ERICH6: variants seen among roughly 807,000 people sequenced by gnomAD.
ERICH6 encodes glutamate-rich protein 6.
A neutral mutation model predicts 71.0 loss-of-function variants in ERICH6; 71 were observed. The observed-to-expected ratio is 1.00, with a 90% CI of 0.83 to 1.22. ERICH6 has a LOEUF of 1.22. Ranked by LOEUF, ERICH6 falls within the 50% of genes most tolerant of loss-of-function variation. ERICH6 has a pLI of 0.00. For missense variants in ERICH6, 808 were observed against 797.2 expected (o/e 1.01, Z -0.16); for synonymous variants, 262 against 278.4 (o/e 0.94, Z 0.59).
rs1247010467 is a variant in ERICH6, at chr3:150,686,307, T to TA, written c.600dup (p.Lys201Ter). The TA allele has an allele frequency of 6.2e-7, 1 of 1,614,214 alleles. No homozygotes were observed. Among genetic ancestry groups the TA allele is most frequent in the Admixed American group, 1.7e-5 (1 of 60,032 alleles). On this transcript the variant is annotated frameshift_variant, in exon 4 of 14. Transcript: ENST00000295910. LOFTEE classifies it high-confidence loss of function. ...CCAAACATGTATTTACCTCTTAACT[T>TA]AGATGCCAGACATTCAGGTTCAGCT...
chr3:150,661,095 G>T (rs1727209023), intron 13 of ERICH6, among the ~76,000 whole-genome samples: 1 of 152,204 alleles, frequency 6.6e-6, no homozygotes, highest in African/African-American at 2.4e-5. Flanking sequence ...TTCCAGCGGG[G>T]TTGGAATAAG....
rs542116795 is a variant in ERICH6 at position 150,692,352 on chromosome 3, GTT to G, written c.554-6000_554-5999del. On this transcript the variant is annotated intron_variant, in intron 3 of 13. Coordinates refer to ENST00000295910, the MANE Select transcript of ERICH6 (RefSeq NM_152394.5). ...TTGAAATCCTTGAGTTATCACTTTG[GTT>G]AAATGAAATGACTTATTTTACAATA... Among the ~76,000 whole-genome samples, 6 of 152,110 alleles carry G rather than the reference GTT, an allele frequency of 3.9e-5. No homozygotes were observed. In the South Asian group the frequency reaches 1.2e-3, roughly 32 times the overall value.
chr3:150,693,728 A>G (rs1359341232), intron 3 of ERICH6, among the ~76,000 whole-genome samples: 2 of 152,216 alleles, frequency 1.3e-5, no homozygotes, highest in African/African-American at 4.8e-5. Context: ...CTGGAGAGAG[A>G]AAAATTATGT....
intron 13 of ERICH6, among the ~76,000 whole-genome samples, chr3:150,666,161 C>T (rs2108039958): frequency 6.6e-6 from 1 of 152,342 alleles, no homozygotes; most frequent in East Asian, 1.9e-4. Flanking sequence ...TCTTAACCAT[C>T]GTGCATTATT....
chr3:150,665,755 G>C (rs1405477825), intron 13 of ERICH6, among the ~76,000 whole-genome samples: 1 of 150,582 alleles, frequency 6.6e-6, no homozygotes, highest in Non-Finnish European at 1.5e-5. Flanking sequence ...TTGAACCTGG[G>C]AGGTGGAGGT....
chr3:150,696,208 G>A (rs908348655), intron 3 of ERICH6, among the ~76,000 whole-genome samples: 2 of 151,702 alleles, frequency 1.3e-5, no homozygotes, highest in Admixed American at 1.3e-4. Context: ...AAGCAGAGTG[G>A]AAAGGTTGGA....
At chr3:150,665,944 T>G (rs1349786110) in intron 13 of ERICH6, among the ~76,000 whole-genome samples, 2 of 152,324 alleles carry the variant, frequency 1.3e-5, no homozygotes, top group East Asian at 3.9e-4. Flanking sequence ...CATCTCTATT[T>G]GTATCCATCT....
chr3:150,684,959 G>A (rs907723070), intron 6 of ERICH6, among the ~76,000 whole-genome samples: 10 of 151,804 alleles, frequency 6.6e-5, no homozygotes, highest in East Asian at 5.8e-4. Context: ...AACCATAATC[G>A]TGCCACTTAC....
In ERICH6 at chr3:150,680,489, G is replaced by A. The variant is rs1475599976; in HGVS notation, c.1090C>T (p.Gln364Ter). 5 of 1,614,050 alleles carry A rather than the reference G, an allele frequency of 3.1e-6. No homozygotes were observed. The highest frequency in any genetic ancestry group is 2.7e-5 in the African/African-American group (2 of 74,930). The change falls in exon 9 of 14, where the codon CAG becomes TAG. Residue 364 changes from glutamine to a stop codon, truncating the protein, a stop_gained. Coordinates refer to ENST00000295910, the MANE Select transcript of ERICH6 (RefSeq NM_152394.5). LOFTEE classifies it high-confidence loss of function. ...TCACCATCTTCAGAGAAATGAGTCT[G>A]TTCCCTTGATATTATTGCAAAATGT... ...ARHFAIISRE[Q>*]THFSEDDSKR...
intron 13 of ERICH6, among the ~76,000 whole-genome samples, chr3:150,666,336 G>A (rs1255625182): frequency 6.6e-6 from 1 of 152,210 alleles, no homozygotes; most frequent in Non-Finnish European, 1.5e-5. Flanking sequence ...AAAACCCACA[G>A]AAGGATGTGG....
rs6798444 is a variant in ERICH6, at chr3:150,663,354, C to T, written c.1729-3199G>A. Among the ~76,000 whole-genome samples, 340 of 152,232 alleles carry T rather than the reference C, an allele frequency of 2.2e-3. 2 individuals are homozygous for T. Among genetic ancestry groups the T allele is most frequent in the African/African-American group, 7.8e-3 (323 of 41,532 alleles). ...AGCGTTTAGAGTTGTGAAACTACTC[C>T]CGAGTTTTTGTCCTGAATAAGTGAA... On this transcript the variant is annotated intron_variant, in intron 13 of 13. Coordinates refer to ENST00000295910, the MANE Select transcript of ERICH6 (RefSeq NM_152394.5).
At position 150,668,253 on chromosome 3, in the gene ERICH6, T is replaced by C. The variant is rs1305965860; in HGVS notation, c.1499+1043A>G. The stretch of plus-strand genomic sequence containing the variant: ...TGTGCTGCTATGTAGTAGCAAAGAT[T>C]CAGGATGTGCCCTCAAGGAATGTCT... On this transcript the variant is annotated intron_variant, in intron 12 of 13. Transcript: ENST00000295910. 2.0e-5 allele frequency among the ~76,000 whole-genome samples: 3 copies of C among 152,174 alleles called. No individual in the cohort carries two copies. In the East Asian group the frequency reaches 5.8e-4, roughly 29 times the overall value.
intron 13 of ERICH6, among the ~76,000 whole-genome samples, chr3:150,665,827 CAAAAAA>C (rs530457228): frequency 1.4e-5 from 1 of 69,990 alleles, no homozygotes; most frequent in African/African-American, 4.3e-5. Flanking sequence ...GGCTCCATCT[CAAAAAA>C]AAAAAAAAAA....
intron 1 of ERICH6, among the ~76,000 whole-genome samples, chr3:150,702,476 C>T (rs1712926461): frequency 6.6e-6 from 1 of 152,040 alleles, no homozygotes; most frequent in African/African-American, 2.4e-5. Context: ...CGGGGTTTCA[C>T]CATGTTAGCC....
At chr3:150,666,038 G>T (rs188895888) in intron 13 of ERICH6, among the ~76,000 whole-genome samples, 6 of 152,286 alleles carry the variant, frequency 3.9e-5, no homozygotes, top group Non-Finnish European at 8.8e-5. Context: ...AATCTGTAAG[G>T]TCGGAATCAT....
At position 150,680,531 on chromosome 3, in the gene ERICH6, C is replaced by G; in HGVS notation, c.1048G>C (p.Glu350Gln). 6.2e-7 allele frequency: 1 copy of G among 1,614,120 alleles called. No individual in the cohort carries two copies. The highest frequency in any genetic ancestry group is 8.5e-7 in the Non-Finnish European group (1 of 1,180,022). ...GCAAAATGTCTGGCCATTCGTTGCT[C>G]CTGTTTCCTACAAAATCAGAAAACA... ...AKEKALQRKQEQRMARHFAII... is the reference protein window; with the variant it reads ...AKEKALQRKQQQRMARHFAII... The change falls in exon 9 of 14, where the codon GAG (glutamate) becomes CAG (glutamine). Residue 350 changes from glutamate to glutamine, a missense_variant. Physicochemically the swap from Glu to Gln is conservative, Grantham distance 29 (BLOSUM62 2). Transcript: ENST00000295910.
rs10663390 is a variant in ERICH6 at position 150,702,889 on chromosome 3, A to AGTGTGTGTGT, written c.403+597_403+606dup. The stretch of plus-strand genomic sequence containing the variant: ...AAGGCACTTCTCTGGAAATAATATG[A>AGTGTGTGTGT]GTGTGTGTGTGTGTGTGTGTGTGTG... On this transcript the variant is annotated intron_variant, in intron 1 of 13. Transcript: ENST00000295910. Among the ~76,000 whole-genome samples, 138 of 113,448 alleles carry AGTGTGTGTGT rather than the reference A, an allele frequency of 1.2e-3. 1 individual carries two copies. Among genetic ancestry groups the AGTGTGTGTGT allele is most frequent in the African/African-American group, 4.1e-3 (119 of 29,068 alleles). 74.4% of individuals were successfully genotyped at this position (113,448 alleles called of 152,430 possible).
In ERICH6 at chr3:150,703,568, C is replaced by G. The variant is rs1296950570; in HGVS notation, c.331G>C (p.Val111Leu). ...GTGCTGGTCGCGCTCTGGCTGGGCA[C>G]GAACGTAGAGGTCAGGCTAGGGCTG... ...IVSPSLTSTFVPSQSATSTET... is the reference protein window; with the variant it reads ...IVSPSLTSTFLPSQSATSTET... The change falls in exon 1 of 14, where the codon GTG becomes CTG. Residue 111 changes from valine (V) to leucine (L), a missense_variant. Transcript: ENST00000295910. 4.3e-6 allele frequency: 7 copies of G among 1,613,374 alleles called. No homozygotes were observed. Among genetic ancestry groups the G allele is most frequent in the South Asian group, 3.3e-5 (3 of 91,052 alleles).
intron 13 of ERICH6, among the ~76,000 whole-genome samples, chr3:150,663,254 A>T (rs1727286795): frequency 6.6e-6 from 1 of 152,194 alleles, no homozygotes; most frequent in Non-Finnish European, 1.5e-5. Context: ...AGCACTGGAA[A>T]ATGTGAGAAG....
Sources: allele counts gnomAD v4.1 joint callset (sites outside exome capture counted in the v4.1 genomes callset), GRCh38; gene constraint gnomAD v4.1.1; transcripts MANE v1.5; gene names NCBI Gene and HGNC (gene_info 2026-07-23, HGNC 2026-07-21).